The following KIAA0319L variants were observed in gnomAD, a reference collection of about 807,000 sequenced individuals.
KIAA0319L encodes the protein dyslexia-associated protein KIAA0319-like protein.
KIAA0319L carries 55 observed loss-of-function variants against 120.1 expected under a neutral mutation model. That is an observed-to-expected ratio of 0.46 (90% CI 0.37 to 0.57). The LOEUF (loss-of-function observed/expected upper bound fraction) is 0.57, where lower values mean the gene tolerates loss of function less well. Among genes scored for constraint, KIAA0319L ranks in the 20% least tolerant of loss-of-function variants. KIAA0319L has a pLI of 0.00. For missense variants in KIAA0319L, 1,049 were observed against 1,255.3 expected (o/e 0.84, Z 2.48); for synonymous variants, 398 against 471.9 (o/e 0.84, Z 2.03).
Position 35,434,664 on chromosome 1 carries a change from G to A in KIAA0319L, c.*230C>T. 5.8e-6 allele frequency: 3 copies of A among 517,846 alleles called. No individual in the cohort carries two copies. The highest frequency in any genetic ancestry group is 5.7e-5 in the South Asian group (2 of 35,238). 32.1% of individuals were successfully genotyped at this position (517,846 alleles called of 1,614,324 possible). On this transcript the variant is annotated 3_prime_UTR_variant, in exon 21 of 21. Coordinates refer to ENST00000325722, the MANE Select transcript of KIAA0319L (RefSeq NM_024874.5). ...CAAAAAAAGGAGGCCCTGAGGTGAGGATATCTGGGGGCCCACCAGACAGGT... is the reference window on the plus strand; with the variant it reads ...CAAAAAAAGGAGGCCCTGAGGTGAGAATATCTGGGGGCCCACCAGACAGGT...
At chr1:35,522,151 T>A (rs775016191) in intron 2 of KIAA0319L, among the ~76,000 whole-genome samples, 65 of 151,834 alleles carry the variant, frequency 4.3e-4, no homozygotes, top group Non-Finnish European at 7.7e-4. Context: ...GGGGAGAAAA[T>A]ATATATATAT....
At chr1:35,436,556 G>A (rs927024689) in intron 20 of KIAA0319L, among the ~76,000 whole-genome samples, 1 of 152,188 alleles carries the variant, frequency 6.6e-6, no homozygotes, top group Non-Finnish European at 1.5e-5. Context: ...GTTCACAGCT[G>A]CCTCCTTCCC....
At chr1:35,477,072 A>T (rs977239294) in intron 4 of KIAA0319L, among the ~76,000 whole-genome samples, 1 of 152,242 alleles carries the variant, frequency 6.6e-6, no homozygotes, top group African/African-American at 2.4e-5. Flanking sequence ...CCAAAGCGAA[A>T]ATGGACAAAC....
chr1:35,514,695 C>T (rs1645609813), intron 2 of KIAA0319L, among the ~76,000 whole-genome samples: 1 of 152,200 alleles, frequency 6.6e-6, no homozygotes, highest in Non-Finnish European at 1.5e-5. Flanking sequence ...ACCTAACCAT[C>T]CTAAATATAT....
At chr1:35,460,493 T>C (rs1363429819) in intron 8 of KIAA0319L, 56 bp from the exon 9 acceptor site, 8 of 1,546,956 alleles carry the variant, frequency 5.2e-6, no homozygotes, top group African/African-American at 1.4e-5. Flanking sequence ...TTAGCACTTA[T>C]CCAGTTTACA....
At chr1:35,487,071 C>A (rs554108049) in intron 3 of KIAA0319L, among the ~76,000 whole-genome samples, 3 of 152,078 alleles carry the variant, frequency 2.0e-5, no homozygotes, top group Non-Finnish European at 4.4e-5. Flanking sequence ...TGTTCCTGTG[C>A]ATGTCTGGTA....
chr1:35,515,266 C>T (rs1205125802), intron 2 of KIAA0319L, among the ~76,000 whole-genome samples: 4 of 149,904 alleles, frequency 2.7e-5, no homozygotes, highest in South Asian at 2.1e-4. Context: ...GAGCTGAGAT[C>T]GTGCCATTGC....
chr1:35,501,374 T>C (rs1263653991), intron 3 of KIAA0319L, among the ~76,000 whole-genome samples: 1 of 152,190 alleles, frequency 6.6e-6, no homozygotes, highest in Non-Finnish European at 1.5e-5. Context: ...TTGCTGCTGC[T>C]TCCCAATGTC....
intron 13 of KIAA0319L, 146 bp from the exon 14 acceptor site, chr1:35,450,655 T>A (rs1641993055): frequency 5.6e-6 from 4 of 715,238 alleles, no homozygotes; most frequent in Non-Finnish European, 2.3e-6. Context: ...CAACCAACAG[T>A]GTAGATGAAA....
chr1:35,463,641 G>A (rs577803453), intron 7 of KIAA0319L, among the ~76,000 whole-genome samples: 36 of 152,272 alleles, frequency 2.4e-4, no homozygotes, highest in Admixed American at 2.3e-3. Flanking sequence ...GAAGGTGAAA[G>A]GATTATCTTG....
chr1:35,461,832 TA>T (rs988627128), intron 8 of KIAA0319L, among the ~76,000 whole-genome samples: 1 of 152,116 alleles, frequency 6.6e-6, no homozygotes, highest in Non-Finnish European at 1.5e-5. Context: ...ATCATCCTCC[TA>T]GCCTCCTCTT....
chr1:35,454,628 AGTGAATAT>A (rs1422117069), intron 10 of KIAA0319L, 143 bp from the exon 11 acceptor site: 1 of 1,430,884 alleles, frequency 7.0e-7, no homozygotes, highest in Admixed American at 2.6e-5. Context: ...TCAGCATGTG[AGTGAATAT>A]GGAGTCAGAT....
chr1:35,490,700 G>T (rs913127371), intron 3 of KIAA0319L, among the ~76,000 whole-genome samples: 5 of 152,186 alleles, frequency 3.3e-5, no homozygotes, highest in Non-Finnish European at 5.9e-5. Context: ...TACAATGTTT[G>T]ATATTAAAGA....
chr1:35,461,543 T>G (rs1642891621), intron 8 of KIAA0319L, among the ~76,000 whole-genome samples: 1 of 152,224 alleles, frequency 6.6e-6, no homozygotes, highest in South Asian at 2.1e-4. Context: ...CTTTCATTTG[T>G]GTAAACACAA....
At chr1:35,454,322 C>T (rs372806102) in intron 11 of KIAA0319L, 40 bp downstream of exon 11, 2 of 1,608,860 alleles carry the variant, frequency 1.2e-6, no homozygotes, top group Non-Finnish European at 8.5e-7. Flanking sequence ...TTAAATGGAC[C>T]CACCAATAGA....
chr1:35,536,117 T>C (rs1387403446), intron 2 of KIAA0319L, among the ~76,000 whole-genome samples: 1 of 152,204 alleles, frequency 6.6e-6, no homozygotes, highest in African/African-American at 2.4e-5. Context: ...AAAAGTAAAG[T>C]TCCTGGTTCA....
chr1:35,506,721 A>G lies in KIAA0319L; in HGVS notation c.557T>C (p.Leu186Pro). ...GTCACTGGGACTACCTCTCTTCTGAAGCTTCCTGATTAAGCTCTGCTGGTC... is the reference window on the plus strand; with the variant it reads ...GTCACTGGGACTACCTCTCTTCTGAGGCTTCCTGATTAAGCTCTGCTGGTC... ...SSDQQSLIRK[L>P]QKRGSPSDVV... Residue 186 changes from leucine to proline, a missense_variant, in exon 3 of 21, where the codon CTT becomes CCT. Physicochemically the swap from Leu to Pro is moderately conservative, Grantham distance 98. Coordinates refer to ENST00000325722, the MANE Select transcript of KIAA0319L (RefSeq NM_024874.5). The surrounding 1 kb of genome is among the most constrained non-coding windows in gnomAD (Gnocchi z 4.0). The G allele has an allele frequency of 6.2e-7, 1 of 1,614,146 alleles. No individual in the cohort carries two copies. Among genetic ancestry groups the G allele is most frequent in the East Asian group, 2.2e-5 (1 of 44,882 alleles).
chr1:35,554,552 C>A, intron 1 of KIAA0319L, 33 bp from the exon 2 acceptor site: 1 of 1,298,422 alleles, frequency 7.7e-7, no homozygotes, highest in East Asian at 2.5e-5. Flanking sequence ...AATTACATGC[C>A]GAGTAATTAA....
chr1:35,477,600 C>G (rs937947699), intron 4 of KIAA0319L, among the ~76,000 whole-genome samples: 12 of 145,956 alleles, frequency 8.2e-5, no homozygotes, highest in African/African-American at 1.8e-4. Flanking sequence ...CCAGGAGGCG[C>G]AGCTTGCAGT....
Sources: gnomAD v4.1 joint callset for allele counts (sites outside exome capture counted in the v4.1 genomes callset) on GRCh38, gnomAD v4.1.1 for gene constraint, Gnocchi (gnomAD v3.1) non-coding constraint, MANE v1.5 for transcripts, NCBI Gene and HGNC (gene_info 2026-07-23, HGNC 2026-07-21) for gene names.